Variants in SAFB observed in about 807,000 individuals in gnomAD.
SAFB encodes the protein scaffold attachment factor B1.
In SAFB, 15 loss-of-function variants were observed where a neutral mutation model predicts 101.6. The observed-to-expected ratio is 0.15, with a 90% CI of 0.10 to 0.23. The LOEUF is 0.23. SAFB is among the 10% of genes least tolerant of loss of function. The probability of loss-of-function intolerance (pLI) is 1.00; values close to 1 mark genes in which losing one functional copy is unlikely to be tolerated. For synonymous variants in SAFB, 449 were observed against 407.5 expected (o/e 1.10, Z -1.23); for missense variants, 930 against 1,104.1 (o/e 0.84, Z 2.23).
chr19:5,655,186 T>C (rs984770390), intron 13 of SAFB, among the ~76,000 whole-genome samples: 8 of 152,106 alleles, frequency 5.3e-5, no homozygotes, highest in African/African-American at 1.7e-4. Flanking sequence ...GAGCTGAGCA[T>C]GGTGGCTCAT....
intron 9 of SAFB, 44 bp from the exon 10 acceptor site, chr19:5,653,071 A>T (rs756472169): frequency 1.2e-6 from 2 of 1,609,700 alleles, no homozygotes; most frequent in East Asian, 4.5e-5. Context: ...TGCCCCGCTC[A>T]GTGGGCTTCA....
intron 15 of SAFB, among the ~76,000 whole-genome samples, chr19:5,662,221 G>A (rs1187541378): frequency 2.0e-5 from 3 of 152,170 alleles, no homozygotes; most frequent in African/African-American, 7.2e-5. Context: ...GCATAGGCCG[G>A]GTGCGCTAGT....
Position 5,645,388 on chromosome 19 carries a change from A to G in SAFB, c.598A>G (p.Thr200Ala). The change falls in exon 5 of 21, where the codon ACT (threonine) becomes GCT (alanine). Residue 200 changes from threonine (T) to alanine (A), a missense_variant. Transcript: ENST00000588852. Reference sequence around the variant, plus strand: ...TTTAGATACTTCATCATCTGACTTCACTATATTACAGGTAAACTGTTGTAT... The same window carrying G: ...TTTAGATACTTCATCATCTGACTTCGCTATATTACAGGTAAACTGTTGTAT... The part of the protein sequence containing the change: ...NNLDTSSSDF[T>A]ILQEIEEPSL... 1 of 1,364,484 alleles carries G rather than the reference A, an allele frequency of 7.3e-7. No homozygotes were observed. The highest frequency in any genetic ancestry group is 1.0e-6 in the Non-Finnish European group (1 of 953,798). The allele number at this position is 1,364,484 out of a possible 1,614,324, so 84.5% of individuals were successfully genotyped here.
At chr19:5,641,477 A>G (rs956809804) in intron 2 of SAFB, 117 bp from the exon 3 acceptor site, 1 of 797,274 alleles carries the variant, frequency 1.3e-6, no homozygotes, top group Non-Finnish European at 2.1e-6. Flanking sequence ...AAGTGTTCCT[A>G]AGTAGTGAGG....
At chr19:5,623,490 G>A (rs569474763) in intron 1 of SAFB, 96 bp downstream of exon 1, 27 of 1,077,432 alleles carry the variant, frequency 2.5e-5, no homozygotes, top group South Asian at 2.1e-4. Context: ...CCCCGGCCGC[G>A]TTCGCGGCCT....
rs147202286 is a variant in SAFB, at chr19:5,654,442, G to A, written c.1741G>A (p.Gly581Arg). The change falls in exon 13 of 21, where the codon GGG becomes AGG. Residue 581 changes from glycine to arginine, a missense_variant. Gly to Arg is a moderately radical substitution (Grantham distance 125). This residue lies in a region of SAFB where 159 missense variants were observed against 234.1 expected (regional missense o/e 0.68). Coordinates refer to ENST00000588852, the MANE Select transcript of SAFB (RefSeq NM_001201338.2). ...GCCTGTGATTAGTGTAAAAACGTCC[G>A]GGTCCAAAGAGAGAGTGAGTATTAA... ...GVPVISVKTSGSKERASKSQD... is the reference protein window; with the variant it reads ...GVPVISVKTSRSKERASKSQD... 8 of 1,604,390 alleles carry A rather than the reference G, an allele frequency of 5.0e-6. No homozygotes were observed. Among genetic ancestry groups the A allele is most frequent in the South Asian group, 1.1e-5 (1 of 90,882 alleles).
chr19:5,637,558 A>C (rs1402594629), intron 2 of SAFB, among the ~76,000 whole-genome samples: 1 of 151,808 alleles, frequency 6.6e-6, no homozygotes, highest in South Asian at 2.1e-4. Context: ...CGGGAGACTG[A>C]GGTGGGAGGA....
chr19:5,639,586 A>C (rs1026997381), intron 2 of SAFB, among the ~76,000 whole-genome samples: 1 of 150,902 alleles, frequency 6.6e-6, no homozygotes, highest in Non-Finnish European at 1.5e-5. Context: ...CCAGCTACTC[A>C]GGCGGCTGAG....
intron 9 of SAFB, 111 bp from the exon 10 acceptor site, chr19:5,653,004 C>T: frequency 9.3e-7 from 1 of 1,074,668 alleles, no homozygotes; most frequent in Non-Finnish European, 1.4e-6. Flanking sequence ...CCTCCCCAGT[C>T]TAACACTTGT....
rs546926509 is a variant in SAFB at position 5,661,806 on chromosome 19, C to T, written c.2151C>T (p.Asp717=). Residue 717 remains aspartate, a splice_region_variant and synonymous_variant, in exon 15 of 21, where the codon GAC becomes GAT. Coordinates refer to ENST00000588852, the MANE Select transcript of SAFB (RefSeq NM_001201338.2). The part of the protein sequence containing the change: ...RPAVRRPYDL[D]RRDDAYWPEA... ...CGGTGCGGCGGCCCTACGACCTGGA[C>T]CGGTAAGCAGATCCATGCTGCCCTT... 7.1e-6 allele frequency: 11 copies of T among 1,541,358 alleles called. No homozygotes were observed. The East Asian group carries it at 9.6e-5, about 13-fold the overall frequency.
chr19:5,658,522 G>A (rs2054116794), intron 14 of SAFB, among the ~76,000 whole-genome samples: 1 of 151,966 alleles, frequency 6.6e-6, no homozygotes, highest in Non-Finnish European at 1.5e-5. Flanking sequence ...GTGAAACGCA[G>A]TCTCTACTAA....
In SAFB at chr19:5,668,381, TCTG is replaced by T. The variant is rs2054386666; in HGVS notation, c.*95_*97del. 7.1e-7 allele frequency: 1 copy of T among 1,408,814 alleles called. No homozygotes were observed. The highest frequency in any genetic ancestry group is 2.6e-5 in the East Asian group (1 of 38,716). 87.3% of individuals were successfully genotyped at this position (1,408,814 alleles called of 1,614,324 possible). On this transcript the variant is annotated 3_prime_UTR_variant, in exon 21 of 21. Transcript: ENST00000588852. ...ACTGTGTAAAAATATTTTTTTTTAATCTGCTGCCATATTGTAGCTCAATACAAT... is the reference window on the plus strand; with the variant it reads ...ACTGTGTAAAAATATTTTTTTTTAATCTGCCATATTGTAGCTCAATACAAT...
chr19:5,626,950 G>T (rs1173621591), intron 2 of SAFB, among the ~76,000 whole-genome samples: 2 of 152,102 alleles, frequency 1.3e-5, no homozygotes, highest in Non-Finnish European at 2.9e-5. Context: ...AGGCTGAACC[G>T]GAAGGATTAC....
At chr19:5,632,766 C>A (rs1367927639) in intron 2 of SAFB, among the ~76,000 whole-genome samples, 1 of 152,172 alleles carries the variant, frequency 6.6e-6, no homozygotes, top group Non-Finnish European at 1.5e-5. Flanking sequence ...GAAACCGGGT[C>A]TTGCCCTGTT....
chr19:5,633,156 A>C (rs1210939294), intron 2 of SAFB, among the ~76,000 whole-genome samples: 2 of 152,020 alleles, frequency 1.3e-5, no homozygotes, highest in Middle Eastern at 3.2e-3. Context: ...GTGATTTTTT[A>C]ATTTTGTTAT....
intron 2 of SAFB, 97 bp from the exon 3 acceptor site, chr19:5,641,497 T>G: frequency 3.1e-6 from 3 of 961,600 alleles, no homozygotes; most frequent in Non-Finnish European, 4.9e-6. Context: ...GTGTCTCAGA[T>G]GTTTATAAAG....
rs187988326 is a variant in SAFB, at chr19:5,626,841, T to G, written c.274+352T>G. 2.0e-3 allele frequency among the ~76,000 whole-genome samples: 309 copies of G among 151,384 alleles called. 2 individuals are homozygous for G. Among genetic ancestry groups the G allele is most frequent in the African/African-American group, 7.3e-3 (300 of 41,222 alleles). ...TAGGAGGATCACATGAGCCTGGGAG[T>G]TCAAGACCAGCCTGGGCAACATAGC... is the stretch of plus-strand genomic sequence containing the variant. On this transcript the variant is annotated intron_variant, in intron 2 of 20. Transcript: ENST00000588852.
chr19:5,661,449 A>AC (rs766313058), intron 14 of SAFB, 69 bp from the exon 15 acceptor site: 52 of 1,585,522 alleles, frequency 3.3e-5, no homozygotes, highest in Non-Finnish European at 4.3e-5. Context: ...CCAGCGTCTT[A>AC]CTTAAAGTCA....
chr19:5,640,772 G>T (rs545049462), intron 2 of SAFB, among the ~76,000 whole-genome samples: 2 of 152,058 alleles, frequency 1.3e-5, no homozygotes, highest in Admixed American at 6.5e-5. Flanking sequence ...TGTATTTTTA[G>T]TTGAGACAGG....
Sources: gnomAD v4.1 joint callset for allele counts (sites outside exome capture counted in the v4.1 genomes callset) on GRCh38, gnomAD v4.1.1 for gene constraint, gnomAD v4.1.1 regional missense constraint, MANE v1.5 for transcripts, NCBI Gene and HGNC (gene_info 2026-07-23, HGNC 2026-07-21) for gene names.